Variants in WIPF1 observed in about 807,000 individuals in gnomAD.
WIPF1 encodes WAS/WASL interacting protein family member 1, also known as WAS/WASL-interacting protein family member 1.
WIPF1 carries 13 observed loss-of-function variants against 35.4 expected under a neutral mutation model. The observed-to-expected ratio is 0.37, with a 90% CI of 0.24 to 0.58. The LOEUF is 0.58. Among genes scored for constraint, WIPF1 ranks in the 20% least tolerant of loss-of-function variants. The pLI is 0.74. For missense variants in WIPF1, 591 were observed against 667.0 expected (o/e 0.89, Z 1.25); for synonymous variants, 267 against 266.3 (o/e 1.00, Z -0.02).
At chr2:174,610,332 C>T (rs553173796) in intron 1 of WIPF1, among the ~76,000 whole-genome samples, 1 of 152,302 alleles carries the variant, frequency 6.6e-6, no homozygotes, top group African/African-American at 2.4e-5. Context: ...TTCCCCACAA[C>T]ACGGAAGCTG....
chr2:174,642,450 C>T (rs568105925), intron 1 of WIPF1, among the ~76,000 whole-genome samples: 18 of 148,508 alleles, frequency 1.2e-4, no homozygotes, highest in Non-Finnish European at 2.4e-4. Flanking sequence ...AGGTTCATGC[C>T]ATTCTCCTGC....
In WIPF1 at chr2:174,571,660, C is replaced by G. The variant is rs775045518; in HGVS notation, c.1129+16G>C. 8 of 1,614,186 alleles carry G rather than the reference C, an allele frequency of 5.0e-6. No individual in the cohort carries two copies. The highest frequency in any genetic ancestry group is 1.6e-4 in the Middle Eastern group (1 of 6,062). On this transcript the variant is annotated intron_variant, in intron 5 of 7. Coordinates refer to ENST00000679041, the MANE Select transcript of WIPF1 (RefSeq NM_001375834.1). The surrounding 1 kb of genome is among the most constrained non-coding windows in gnomAD (Gnocchi z 4.6). ...GGCTGGGTTTTGGAAGCAACTCACTCCACGTCTTGTCATACCTGATCGGCC... is the reference window on the plus strand; with the variant it reads ...GGCTGGGTTTTGGAAGCAACTCACTGCACGTCTTGTCATACCTGATCGGCC...
chr2:174,577,728 C>G (rs1384212414), intron 3 of WIPF1, among the ~76,000 whole-genome samples: 2 of 152,018 alleles, frequency 1.3e-5, no homozygotes, highest in Admixed American at 6.6e-5. Context: ...GAGTTCAGGA[C>G]CAGTCTGAGC....
intron 1 of WIPF1, among the ~76,000 whole-genome samples, chr2:174,644,625 C>T (rs1253377093): frequency 6.6e-6 from 1 of 152,160 alleles, no homozygotes; most frequent in Non-Finnish European, 1.5e-5. Context: ...AGAAGGGAGG[C>T]TCTCAGGGTG....
upstream of WIPF1, among the ~76,000 whole-genome samples, chr2:174,600,586 T>G (rs1405397703): frequency 6.6e-6 from 1 of 152,246 alleles, no homozygotes; most frequent in Non-Finnish European, 1.5e-5. Context: ...TACACTCATC[T>G]TTTTGTTCCT....
chr2:174,582,688 G>A (rs1685280088), intron 2 of WIPF1, among the ~76,000 whole-genome samples: 1 of 152,210 alleles, frequency 6.6e-6, no homozygotes, highest in South Asian at 2.1e-4. Flanking sequence ...CTCCTGAGTA[G>A]TTGGGATTAC....
At chr2:174,653,781 C>G (rs1319549427) in intron 1 of WIPF1, among the ~76,000 whole-genome samples, 5 of 150,256 alleles carry the variant, frequency 3.3e-5, no homozygotes, top group South Asian at 2.1e-4. Flanking sequence ...GTTCACAGTA[C>G]TTCTGACCCC....
At chr2:174,630,959 G>T (rs1252499500) in intron 1 of WIPF1, among the ~76,000 whole-genome samples, 1 of 152,176 alleles carries the variant, frequency 6.6e-6, no homozygotes, top group African/African-American at 2.4e-5. Flanking sequence ...TGAACATTTT[G>T]TTTGAGGCAT....
intron 1 of WIPF1, among the ~76,000 whole-genome samples, chr2:174,665,869 G>A (rs116118560): frequency 1.3e-5 from 2 of 152,308 alleles, no homozygotes; most frequent in African/African-American, 2.4e-5. Flanking sequence ...TGCAGACACC[G>A]TCCCACTTCA....
chr2:174,642,617 G>A (rs965767248), intron 1 of WIPF1, among the ~76,000 whole-genome samples: 1 of 151,100 alleles, frequency 6.6e-6, no homozygotes, highest in African/African-American at 2.5e-5. Flanking sequence ...AAAGTGCTGG[G>A]ATTACAGGCA....
intron 1 of WIPF1, among the ~76,000 whole-genome samples, chr2:174,605,641 T>C (rs1049195992): frequency 1.2e-4 from 19 of 152,196 alleles, no homozygotes; most frequent in Non-Finnish European, 2.6e-4. Flanking sequence ...TAGAGATATA[T>C]ACTGAAATAT....
intron 3 of WIPF1, 113 bp from the exon 4 acceptor site, chr2:174,575,493 G>T: frequency 7.0e-7 from 1 of 1,432,594 alleles, no homozygotes. Context: ...TGGACAACTG[G>T]GATTTCTTCA....
intron 1 of WIPF1, among the ~76,000 whole-genome samples, chr2:174,589,160 G>C (rs935809195): frequency 6.6e-6 from 1 of 152,182 alleles, no homozygotes; most frequent in Non-Finnish European, 1.5e-5. Context: ...GGGCCCACCG[G>C]CCACACCAGG....
intron 1 of WIPF1, among the ~76,000 whole-genome samples, chr2:174,630,115 G>A (rs578112023): frequency 3.3e-5 from 5 of 152,170 alleles, no homozygotes; most frequent in African/African-American, 1.2e-4. Context: ...ATACACACAC[G>A]TATATTTGTG....
chr2:174,584,757 C>T (rs2105839195), intron 2 of WIPF1, among the ~76,000 whole-genome samples: 1 of 150,362 alleles, frequency 6.7e-6, no homozygotes, highest in South Asian at 2.1e-4. Context: ...ACTAAAAATA[C>T]AAAAATTAGC....
chr2:174,576,826 A>G, intron 3 of WIPF1, among the ~76,000 whole-genome samples: 1 of 152,340 alleles, frequency 6.6e-6, no homozygotes, highest in Non-Finnish European at 1.5e-5. Flanking sequence ...TCTTTAAAAA[A>G]ATTATCTCTT....
intron 6 of WIPF1, among the ~76,000 whole-genome samples, chr2:174,567,480 T>C (rs1039076815): frequency 7.9e-5 from 12 of 152,232 alleles, no homozygotes; most frequent in Non-Finnish European, 1.8e-4. Context: ...TTGATAACAA[T>C]GGCAGAGATA....
chr2:174,612,141 C>T (rs549408961), intron 1 of WIPF1, among the ~76,000 whole-genome samples: 44 of 152,318 alleles, frequency 2.9e-4, no homozygotes, highest in African/African-American at 1.0e-3. Flanking sequence ...AAGCAATCAT[C>T]CTGCCTTGGC....
At position 174,560,914 on chromosome 2, in the gene WIPF1, T is replaced by C. The variant is rs15327; in HGVS notation, c.*1633A>G. 8,838 of 152,678 alleles carry C rather than the reference T, an allele frequency of 0.058. 298 individuals are homozygous for C. The highest frequency in any genetic ancestry group is 0.17 in the Middle Eastern group (51 of 294). 9.5% of individuals were successfully genotyped at this position (152,678 alleles called of 1,614,324 possible). On this transcript the variant is annotated 3_prime_UTR_variant, in exon 8 of 8. Coordinates refer to ENST00000679041, the MANE Select transcript of WIPF1 (RefSeq NM_001375834.1). ...GTTTCTTGGTAGCATCTCCCAGTAATACATGAATAACATACTGAAACCATG... is the reference window on the plus strand; with the variant it reads ...GTTTCTTGGTAGCATCTCCCAGTAACACATGAATAACATACTGAAACCATG...
Sources: gnomAD v4.1 joint callset for allele counts (sites outside exome capture counted in the v4.1 genomes callset) on GRCh38, gnomAD v4.1.1 for gene constraint, Gnocchi (gnomAD v3.1) non-coding constraint, MANE v1.5 for transcripts, NCBI Gene and HGNC (gene_info 2026-07-23, HGNC 2026-07-21) for gene names.